Variants in RFX3 observed in about 807,000 individuals in gnomAD.
RFX3 encodes transcription factor RFX3.
Under a neutral mutation model 98.6 loss-of-function variants are expected in RFX3, and 14 were observed. The observed-to-expected ratio is 0.14, with a 90% CI of 0.09 to 0.22. The LOEUF (loss-of-function observed/expected upper bound fraction) is 0.22, where lower values mean the gene tolerates loss of function less well. Ranked by LOEUF, RFX3 falls within the 10% of genes least tolerant of loss-of-function variation. The pLI is 1.00. For synonymous variants in RFX3, 383 were observed against 328.4 expected (o/e 1.17, Z -1.80); for missense variants, 639 against 926.9 (o/e 0.69, Z 4.03).
intron 1 of RFX3, among the ~76,000 whole-genome samples, chr9:3,505,802 T>A (rs1476293845): frequency 6.8e-6 from 1 of 147,108 alleles, no homozygotes; most frequent in East Asian, 2.2e-4. Context: ...GCTTCTCACA[T>A]TTGTTTTTTC....
At chr9:3,451,064 A>G (rs1289461392) in intron 1 of RFX3, among the ~76,000 whole-genome samples, 1 of 152,198 alleles carries the variant, frequency 6.6e-6, no homozygotes, top group Non-Finnish European at 1.5e-5. Flanking sequence ...AGCATCCTGC[A>G]GTGTAGGAAA....
intron 4 of RFX3, among the ~76,000 whole-genome samples, chr9:3,314,615 A>G (rs2130575230): frequency 6.6e-6 from 1 of 152,322 alleles, no homozygotes; most frequent in African/African-American, 2.4e-5. Flanking sequence ...AGCGTGCTGT[A>G]TTCAGGAGAA....
intron 1 of RFX3, among the ~76,000 whole-genome samples, chr9:3,425,723 A>G: frequency 6.6e-6 from 1 of 152,156 alleles, no homozygotes; most frequent in Middle Eastern, 3.2e-3. Flanking sequence ...TTATTTCTTA[A>G]ATACTTTTCA....
At position 3,522,208 on chromosome 9, in the gene RFX3, T is replaced by A. The variant is rs539552240; in HGVS notation, c.-9+3539A>T. Among the ~76,000 whole-genome samples the A allele has an allele frequency of 5.9e-5, 9 of 152,198 alleles. 1 individual carries two copies. The highest frequency in any genetic ancestry group is 1.0e-4 in the Non-Finnish European group (7 of 68,030). On this transcript the variant is annotated intron_variant, in intron 1 of 16. Transcript: ENST00000617270. ...CCTGTTTAAAGCAGCCATCTGTCCC[T>A]AACAAGCCAGATTTAGTCAAATCCA...
intron 1 of RFX3, among the ~76,000 whole-genome samples, chr9:3,509,954 C>T (rs1458442202): frequency 6.6e-6 from 1 of 151,882 alleles, no homozygotes; most frequent in Non-Finnish European, 1.5e-5. Flanking sequence ...AGGAGGGGTT[C>T]AACTTGATAA....
intron 4 of RFX3, among the ~76,000 whole-genome samples, chr9:3,320,648 G>T: frequency 7.6e-6 from 1 of 131,574 alleles, no homozygotes; most frequent in Non-Finnish European, 1.5e-5. Context: ...ACACTACTCT[G>T]CTTTTTCGCT....
intron 4 of RFX3, among the ~76,000 whole-genome samples, chr9:3,309,134 T>G (rs1042287881): frequency 1.3e-5 from 2 of 152,146 alleles, no homozygotes; most frequent in Admixed American, 6.6e-5. Context: ...ACAGAGAACG[T>G]CATTTCTTTT....
At chr9:3,310,749 T>C (rs977098723) in intron 4 of RFX3, among the ~76,000 whole-genome samples, 1 of 152,208 alleles carries the variant, frequency 6.6e-6, no homozygotes, top group South Asian at 2.1e-4. Context: ...GTATTAACTA[T>C]GAAATTGAAA....
At chr9:3,284,820 C>G (rs1826364759) in intron 7 of RFX3, among the ~76,000 whole-genome samples, 1 of 151,684 alleles carries the variant, frequency 6.6e-6, no homozygotes, top group African/African-American at 2.4e-5. Flanking sequence ...TTTATCTTTT[C>G]AACTAACTGA....
intron 6 of RFX3, among the ~76,000 whole-genome samples, chr9:3,288,599 T>C (rs551999700): frequency 1.3e-4 from 20 of 152,014 alleles, no homozygotes; most frequent in Non-Finnish European, 2.1e-4. Context: ...AGGAAAAAAG[T>C]TTTTGGCCAG....
intron 4 of RFX3, among the ~76,000 whole-genome samples, chr9:3,307,179 A>T (rs1308062464): frequency 6.6e-6 from 1 of 151,930 alleles, no homozygotes; most frequent in Non-Finnish European, 1.5e-5. Context: ...TATACATTAA[A>T]CCGCTTTCCT....
intron 1 of RFX3, among the ~76,000 whole-genome samples, chr9:3,404,411 C>A (rs1016723800): frequency 2.0e-5 from 3 of 152,066 alleles, no homozygotes; most frequent in African/African-American, 7.2e-5. Flanking sequence ...CTGTAAAAAT[C>A]AGTAAAATTT....
At chr9:3,519,177 G>A (rs1292287625) in intron 1 of RFX3, among the ~76,000 whole-genome samples, 1 of 152,148 alleles carries the variant, frequency 6.6e-6, no homozygotes, top group Admixed American at 6.5e-5. Flanking sequence ...CCTTTGACCA[G>A]GAGAGTTATG....
intron 16 of RFX3, among the ~76,000 whole-genome samples, chr9:3,228,508 A>G (rs551997592): frequency 6.6e-6 from 1 of 152,342 alleles, no homozygotes; most frequent in South Asian, 2.1e-4. Flanking sequence ...TGGGCCTTGA[A>G]TAAAAATGTC....
chr9:3,311,705 C>A (rs1332571424), intron 4 of RFX3, among the ~76,000 whole-genome samples: 1 of 151,730 alleles, frequency 6.6e-6, no homozygotes, highest in Non-Finnish European at 1.5e-5. Context: ...GCCAACATGG[C>A]AAAACCTCAT....
intron 2 of RFX3, chr9:3,394,937 A>G (rs1840703200): frequency 3.7e-6 from 2 of 541,134 alleles, no homozygotes; most frequent in African/African-American, 2.1e-5. Flanking sequence ...CCAACTTTTT[A>G]AATAGCTTGA....
intron 14 of RFX3, among the ~76,000 whole-genome samples, chr9:3,248,771 T>C (rs973652372): frequency 1.3e-5 from 2 of 152,202 alleles, no homozygotes; most frequent in South Asian, 4.1e-4. Flanking sequence ...CTTAATGATT[T>C]CCACTTAAAT....
intron 1 of RFX3, among the ~76,000 whole-genome samples, chr9:3,491,875 A>G (rs1258944560): frequency 6.6e-6 from 1 of 152,208 alleles, no homozygotes; most frequent in African/African-American, 2.4e-5. Flanking sequence ...GGTATCACAC[A>G]TACAAAAATT....
At chr9:3,381,348 A>T (rs1452716680) in intron 2 of RFX3, among the ~76,000 whole-genome samples, 1 of 152,086 alleles carries the variant, frequency 6.6e-6, no homozygotes, top group Non-Finnish European at 1.5e-5. Context: ...CAATAAAAAG[A>T]TTATTACTGG....
Sources: allele counts gnomAD v4.1 joint callset (sites outside exome capture counted in the v4.1 genomes callset), GRCh38; gene constraint gnomAD v4.1.1; transcripts MANE v1.5; gene names NCBI Gene and HGNC (gene_info 2026-07-23, HGNC 2026-07-21).